RIMS2: variants seen among roughly 807,000 people sequenced by gnomAD.
RIMS2 encodes regulating synaptic membrane exocytosis 2.
In RIMS2, 59 loss-of-function variants were observed where a neutral mutation model predicts 174.4. The ratio of observed to expected loss-of-function variants is 0.34; its 90% confidence interval spans 0.27 to 0.42. The LOEUF is 0.42. RIMS2 is among the 10% of genes least tolerant of loss of function. RIMS2 has a pLI of 1.00. For missense variants in RIMS2, 1,620 were observed against 1,666.3 expected (o/e 0.97, Z 0.48); for synonymous variants, 606 against 572.5 (o/e 1.06, Z -0.84).
chr8:103,603,435 G>T (rs1030071972), intron 1 of RIMS2, among the ~76,000 whole-genome samples: 18 of 148,390 alleles, frequency 1.2e-4, no homozygotes, highest in African/African-American at 4.2e-4. Context: ...CTTTGCTATT[G>T]TGAATAATGC....
chr8:104,204,149 G>A (rs908437315), intron 19 of RIMS2, among the ~76,000 whole-genome samples: 2 of 152,168 alleles, frequency 1.3e-5, no homozygotes, highest in African/African-American at 2.4e-5. Flanking sequence ...CATAAAACCT[G>A]TGGGCAGTTG....
intron 19 of RIMS2, among the ~76,000 whole-genome samples, chr8:104,161,594 G>A (rs555877743): frequency 2.0e-5 from 3 of 152,184 alleles, no homozygotes; most frequent in Non-Finnish European, 4.4e-5. Context: ...GATTAGAGTA[G>A]AAATGATGAG....
chr8:103,774,056 T>G (rs1261139554), intron 3 of RIMS2, among the ~76,000 whole-genome samples: 2 of 151,614 alleles, frequency 1.3e-5, no homozygotes, highest in Non-Finnish European at 1.5e-5. Context: ...GCACAAGAAT[T>G]GCTTGAACCC....
intron 3 of RIMS2, among the ~76,000 whole-genome samples, chr8:103,857,341 A>G (rs79465827): frequency 0.026 from 3,981 of 152,322 alleles, 104 homozygotes; most frequent in African/African-American, 0.065. Context: ...TCTTCAAATC[A>G]GTTGCATATT....
chr8:103,863,421 G>T (rs2099068756), intron 3 of RIMS2, among the ~76,000 whole-genome samples: 1 of 151,976 alleles, frequency 6.6e-6, no homozygotes, highest in Non-Finnish European at 1.5e-5. Context: ...CTTGTGGTAT[G>T]TCTGCCAGAT....
At chr8:103,966,447 G>A (rs994566041) in intron 15 of RIMS2, among the ~76,000 whole-genome samples, 1 of 151,960 alleles carries the variant, frequency 6.6e-6, no homozygotes, top group African/African-American at 2.4e-5. Context: ...TCCTTTTAAT[G>A]TCCGTGGGAT....
At chr8:103,888,959 A>T (rs1430581356) in intron 4 of RIMS2, among the ~76,000 whole-genome samples, 1 of 151,682 alleles carries the variant, frequency 6.6e-6, no homozygotes, top group Non-Finnish European at 1.5e-5. Context: ...AACTTGAATG[A>T]AGTAATCTTT....
intron 19 of RIMS2, among the ~76,000 whole-genome samples, chr8:104,229,545 A>C (rs1219053425): frequency 2.0e-5 from 3 of 152,166 alleles, no homozygotes; most frequent in Non-Finnish European, 4.4e-5. Flanking sequence ...ATGGACCTAA[A>C]CTGGGAGCCA....
intron 3 of RIMS2, among the ~76,000 whole-genome samples, chr8:103,796,636 C>T (rs1027459): frequency 0.34 from 51,164 of 151,970 alleles, 9,530 homozygotes; most frequent in East Asian, 0.77. Flanking sequence ...TGCTTTTCCT[C>T]TTATCTAGAA....
intron 11 of RIMS2, 74 bp from the exon 14 acceptor site, chr8:103,931,189 G>A (rs1595369918): frequency 1.8e-6 from 2 of 1,115,872 alleles, no homozygotes; most frequent in East Asian, 4.9e-5. Context: ...AGAATGGGGT[G>A]AAGATTGGAA....
chr8:103,860,354 G>A (rs1350717667), intron 3 of RIMS2, among the ~76,000 whole-genome samples: 1 of 152,102 alleles, frequency 6.6e-6, no homozygotes, highest in Admixed American at 6.6e-5. Flanking sequence ...TTGTACAAAT[G>A]ATATTGTAAT....
chr8:103,989,808 C>T (rs1443020703), intron 17 of RIMS2, among the ~76,000 whole-genome samples: 1 of 152,132 alleles, frequency 6.6e-6, no homozygotes, highest in Non-Finnish European at 1.5e-5. Context: ...AAGTCTTTTA[C>T]ATTCATCAGA....
At chr8:104,006,624 AT>A (rs2095586267) in intron 17 of RIMS2, among the ~76,000 whole-genome samples, 1 of 102,262 alleles carries the variant, frequency 9.8e-6, no homozygotes. Context: ...AGAGTGATCT[AT>A]TTCTCTCTCT....
chr8:103,706,107 A>G (rs1251453798), intron 2 of RIMS2, among the ~76,000 whole-genome samples: 1 of 152,042 alleles, frequency 6.6e-6, no homozygotes, highest in Non-Finnish European at 1.5e-5. Context: ...ATTAGCTTAC[A>G]AAATATATTT....
chr8:103,605,929 T>C (rs1479608254), intron 1 of RIMS2, among the ~76,000 whole-genome samples: 7 of 149,082 alleles, frequency 4.7e-5, no homozygotes, highest in Non-Finnish European at 1.0e-4. Context: ...CTATCAATTT[T>C]GTTGATCCTT....
chr8:103,534,213 G>A (rs1223081898), intron 1 of RIMS2, among the ~76,000 whole-genome samples: 1 of 152,180 alleles, frequency 6.6e-6, no homozygotes, highest in East Asian at 1.9e-4. Flanking sequence ...CAATGACAAT[G>A]TTTATCACAA....
At chr8:103,732,160 AC>A (rs2097606929) in intron 2 of RIMS2, among the ~76,000 whole-genome samples, 2 of 152,136 alleles carry the variant, frequency 1.3e-5, no homozygotes, top group Admixed American at 6.5e-5. Context: ...GTAAGGGGGT[AC>A]CCCCAGCCCA....
At chr8:103,662,672 GTCTA>G (rs61138262) in intron 1 of RIMS2, among the ~76,000 whole-genome samples, 45,643 of 149,506 alleles carry the variant, frequency 0.31, 6,914 homozygotes, top group East Asian at 0.35. Context: ...AGTCAGAAGA[GTCTA>G]TCTATCTATC....
intron 13 of RIMS2, among the ~76,000 whole-genome samples, chr8:103,941,210 G>C (rs749416239): frequency 6.6e-6 from 1 of 152,144 alleles, no homozygotes; most frequent in Non-Finnish European, 1.5e-5. Context: ...CTCCAGGCAT[G>C]GTGGCTCACA....
Sources: allele counts gnomAD v4.1 joint callset (sites outside exome capture counted in the v4.1 genomes callset), GRCh38; gene constraint gnomAD v4.1.1; transcripts MANE v1.5; gene names NCBI Gene and HGNC (gene_info 2026-07-23, HGNC 2026-07-21).